CRPPA: variants seen among roughly 807,000 people sequenced by gnomAD.
CRPPA encodes the protein CDP-L-ribitol pyrophosphorylase A, also known as D-ribitol-5-phosphate cytidylyltransferase.
A neutral mutation model predicts 52.0 loss-of-function variants in CRPPA; 43 were observed. That is an observed-to-expected ratio of 0.83 (90% CI 0.65 to 1.07). CRPPA has a LOEUF of 1.07. CRPPA is among the 50% of genes least tolerant of loss of function. CRPPA has a pLI of 0.00. For missense variants in CRPPA, 629 were observed against 551.7 expected, an observed-to-expected ratio of 1.14 and a Z score of -1.40; for synonymous variants, 250 against 203.5, an observed-to-expected ratio of 1.23 and a Z score of -1.94.
At chr7:16,382,389 G>A (rs1257438806) in intron 2 of CRPPA, among the ~76,000 whole-genome samples, 3 of 152,146 alleles carry the variant, frequency 2.0e-5, no homozygotes, top group Non-Finnish European at 4.4e-5. Context: ...TTCCCTTTGC[G>A]GGTAACCCAA....
intron 9 of CRPPA, among the ~76,000 whole-genome samples, chr7:16,212,839 G>T (rs894715980): frequency 2.0e-5 from 3 of 152,256 alleles, no homozygotes; most frequent in Admixed American, 2.0e-4. Flanking sequence ...AGTGTGGAGG[G>T]CAACAGACAC....
At chr7:16,328,602 C>G (rs1370837780) in intron 3 of CRPPA, among the ~76,000 whole-genome samples, 1 of 152,112 alleles carries the variant, frequency 6.6e-6, no homozygotes, top group Non-Finnish European at 1.5e-5. Flanking sequence ...GCAACCTCCG[C>G]CTCCCAGGTT....
chr7:16,264,765 T>C (rs1195341843), intron 6 of CRPPA, among the ~76,000 whole-genome samples: 1 of 152,234 alleles, frequency 6.6e-6, no homozygotes, highest in Non-Finnish European at 1.5e-5. Context: ...CCAACAATTA[T>C]CCCTTTTTGC....
chr7:16,157,464 C>CT (rs1196378910), intron 9 of CRPPA, among the ~76,000 whole-genome samples: 1 of 151,932 alleles, frequency 6.6e-6, no homozygotes, highest in Non-Finnish European at 1.5e-5. Flanking sequence ...TGAAAAATAG[C>CT]TTTTTTCACT....
intron 9 of CRPPA, among the ~76,000 whole-genome samples, chr7:16,188,109 C>T (rs186513791): frequency 3.6e-4 from 51 of 141,558 alleles, no homozygotes; most frequent in African/African-American, 1.1e-3. Context: ...TGCAGTGGTG[C>T]GATCTCAGCT....
chr7:16,102,028 G>A (rs1399926257), intron 9 of CRPPA, among the ~76,000 whole-genome samples: 1 of 152,112 alleles, frequency 6.6e-6, no homozygotes, highest in African/African-American at 2.4e-5. Flanking sequence ...AACAAAGCTG[G>A]AGGCATCATG....
At chr7:16,303,163 G>C (rs1228205990) in intron 4 of CRPPA, among the ~76,000 whole-genome samples, 1 of 152,102 alleles carries the variant, frequency 6.6e-6, no homozygotes, top group South Asian at 2.1e-4. Flanking sequence ...CATTTTAATA[G>C]ATTGGTTGAA....
At chr7:16,300,921 C>T (rs1784778082) in intron 5 of CRPPA, among the ~76,000 whole-genome samples, 1 of 152,180 alleles carries the variant, frequency 6.6e-6, no homozygotes, top group South Asian at 2.1e-4. Context: ...AGAGTTATCA[C>T]ACATATGATA....
intron 2 of CRPPA, among the ~76,000 whole-genome samples, chr7:16,389,597 C>G (rs996739801): frequency 6.6e-6 from 1 of 152,032 alleles, no homozygotes; most frequent in African/African-American, 2.4e-5. Flanking sequence ...CAGAAGAGAT[C>G]TTGCTCAACC....
intron 9 of CRPPA, among the ~76,000 whole-genome samples, chr7:16,163,014 C>G (rs1780944619): frequency 7.5e-6 from 1 of 132,666 alleles, no homozygotes; most frequent in Non-Finnish European, 1.5e-5. Flanking sequence ...CGCTCTGTTG[C>G]CCAGGCTGGA....
chr7:16,188,069 C>T (rs1177579064), intron 9 of CRPPA, among the ~76,000 whole-genome samples: 115 of 119,908 alleles, frequency 9.6e-4, no homozygotes, highest in Admixed American at 4.6e-3. Context: ...TTTTTTGAGA[C>T]GGAGTCCTGT....
At chr7:16,389,169 A>G (rs990169712) in intron 2 of CRPPA, among the ~76,000 whole-genome samples, 1 of 152,202 alleles carries the variant, frequency 6.6e-6, no homozygotes, top group Non-Finnish European at 1.5e-5. Context: ...CTGATGAACT[A>G]TGCCAAAAAT....
intron 9 of CRPPA, among the ~76,000 whole-genome samples, chr7:16,105,043 T>C (rs1207669479): frequency 6.6e-6 from 1 of 152,016 alleles, no homozygotes; most frequent in Non-Finnish European, 1.5e-5. Context: ...GACAGAAACA[T>C]CAAGGCATTA....
At chr7:16,098,122 G>A (rs1380391356) in intron 9 of CRPPA, among the ~76,000 whole-genome samples, 2 of 152,064 alleles carry the variant, frequency 1.3e-5, no homozygotes, top group African/African-American at 4.8e-5. Flanking sequence ...CTTATAGTAG[G>A]CTGTTAGAAT....
Position 16,117,328 on chromosome 7 carries a change from C to G in CRPPA, c.1252-25529G>C, listed in dbSNP as rs555126021. Among the ~76,000 whole-genome samples the G allele has an allele frequency of 5.9e-5, 9 of 152,282 alleles. No homozygotes were observed. The South Asian group carries it at 1.2e-3, about 21-fold the overall frequency. On this transcript the variant is annotated intron_variant, in intron 9 of 9. Coordinates refer to ENST00000407010, the MANE Select transcript of CRPPA (RefSeq NM_001101426.4). ...AGGGGTGAGTTCTCTTTGGAAGCGACTCTGAACTGAGCACGTAGTCATATC... is the reference window on the plus strand; with the variant it reads ...AGGGGTGAGTTCTCTTTGGAAGCGAGTCTGAACTGAGCACGTAGTCATATC...
At chr7:16,315,038 TTGGATATTC>T (rs749982648) in intron 3 of CRPPA, among the ~76,000 whole-genome samples, 4 of 152,160 alleles carry the variant, frequency 2.6e-5, no homozygotes, top group Non-Finnish European at 4.4e-5. Flanking sequence ...CCCATGATTC[TTGGATATTC>T]TGTTATTTCC....
At chr7:16,274,032 CTGTTTT>C (rs773921154) in intron 6 of CRPPA, among the ~76,000 whole-genome samples, 20 of 152,104 alleles carry the variant, frequency 1.3e-4, no homozygotes, top group Admixed American at 2.0e-4. Context: ...AGTGTTGTGG[CTGTTTT>C]TGTTTTTGTT....
At chr7:16,414,150 G>C (rs1032216280) in intron 1 of CRPPA, among the ~76,000 whole-genome samples, 2 of 152,066 alleles carry the variant, frequency 1.3e-5, no homozygotes, top group African/African-American at 4.8e-5. Flanking sequence ...CCACCTAAGA[G>C]AGCTCAAAAA....
At chr7:16,273,745 A>C (rs1477903834) in intron 6 of CRPPA, among the ~76,000 whole-genome samples, 1 of 152,170 alleles carries the variant, frequency 6.6e-6, no homozygotes, top group Non-Finnish European at 1.5e-5. Flanking sequence ...GTTTGTAGAC[A>C]GCAAAGGTAA....
Sources: gnomAD v4.1 joint callset for allele counts (sites outside exome capture counted in the v4.1 genomes callset) on GRCh38, gnomAD v4.1.1 for gene constraint, MANE v1.5 for transcripts, NCBI Gene and HGNC (gene_info 2026-07-23, HGNC 2026-07-21) for gene names.